Variants in GRM7 observed in about 807,000 individuals in gnomAD.
GRM7 encodes metabotropic glutamate receptor 7.
In GRM7, 35 loss-of-function variants were observed where a neutral mutation model predicts 84.5. The observed-to-expected ratio is 0.41, with a 90% CI of 0.32 to 0.55. GRM7 has a LOEUF of 0.55. GRM7 is among the 20% of genes least tolerant of loss of function. The pLI is 0.19. For synonymous variants in GRM7, 487 were observed against 455.1 expected, an observed-to-expected ratio of 1.07 and a Z score of -0.89; for missense variants, 1,003 against 1,194.6, an observed-to-expected ratio of 0.84 and a Z score of 2.36.
intron 1 of GRM7, among the ~76,000 whole-genome samples, chr3:7,031,811 C>T (rs1329068109): frequency 6.6e-6 from 1 of 151,954 alleles, no homozygotes; most frequent in Non-Finnish European, 1.5e-5. Flanking sequence ...TCACTTTTAT[C>T]CCCACTGTGT....
intron 1 of GRM7, among the ~76,000 whole-genome samples, chr3:6,951,022 T>C (rs1328280881): frequency 6.6e-6 from 1 of 152,162 alleles, no homozygotes; most frequent in Non-Finnish European, 1.5e-5. Context: ...GTGATGCCTC[T>C]CCCTGCTTCG....
chr3:7,551,495 C>T (rs528349432), intron 7 of GRM7, among the ~76,000 whole-genome samples: 36 of 152,260 alleles, frequency 2.4e-4, no homozygotes, highest in Admixed American at 2.3e-3. Flanking sequence ...ATTCATGAGA[C>T]TGTGCAAGCT....
chr3:7,695,415 C>A (rs968447915), intron 9 of GRM7, among the ~76,000 whole-genome samples: 6 of 152,138 alleles, frequency 3.9e-5, no homozygotes, highest in African/African-American at 1.4e-4. Context: ...AGGCACTCAG[C>A]CGAGGAAGTC....
chr3:7,181,794 G>C lies in GRM7; in HGVS notation c.736+35126G>C, dbSNP rs113431216. ...CAGTTATTTTTATTTTTTATTTTTT[G>C]TGGAGATGAGGTGACTATGTTGGCC... On this transcript the variant is annotated intron_variant, in intron 2 of 9. Transcript: ENST00000357716. 1.5e-3 allele frequency among the ~76,000 whole-genome samples: 233 copies of C among 151,660 alleles called. 1 individual carries two copies. The highest frequency in any genetic ancestry group is 2.8e-3 in the Non-Finnish European group (189 of 67,876).
intron 3 of GRM7, among the ~76,000 whole-genome samples, chr3:7,300,853 G>T (rs563401621): frequency 2.0e-5 from 3 of 152,152 alleles, no homozygotes; most frequent in African/African-American, 7.2e-5. Flanking sequence ...TCACTAGTTC[G>T]TAAAATTAGG....
At chr3:7,372,520 T>C (rs1403191876) in intron 4 of GRM7, among the ~76,000 whole-genome samples, 1 of 152,100 alleles carries the variant, frequency 6.6e-6, no homozygotes, top group Admixed American at 6.5e-5. Context: ...ACAGACAACT[T>C]TGTAGGCCTT....
chr3:7,259,465 G>T (rs190551797), intron 2 of GRM7, among the ~76,000 whole-genome samples: 2 of 152,172 alleles, frequency 1.3e-5, no homozygotes, highest in East Asian at 3.9e-4. Flanking sequence ...GTAGGTCCCA[G>T]TGTCTGTTGT....
chr3:7,303,711 C>T (rs1700088851), intron 3 of GRM7, among the ~76,000 whole-genome samples: 1 of 151,940 alleles, frequency 6.6e-6, no homozygotes, highest in South Asian at 2.1e-4. Flanking sequence ...TTTCACTTTT[C>T]TCCATATGTT....
intron 1 of GRM7, among the ~76,000 whole-genome samples, chr3:6,964,589 A>G (rs868845191): frequency 6.6e-6 from 1 of 152,148 alleles, no homozygotes; most frequent in Non-Finnish European, 1.5e-5. Context: ...TTCAGCCTTC[A>G]ATTCTTTACA....
chr3:7,516,258 A>T (rs909749813), intron 7 of GRM7, among the ~76,000 whole-genome samples: 1 of 151,188 alleles, frequency 6.6e-6, no homozygotes, highest in Non-Finnish European at 1.5e-5. Context: ...CGGGCAGATC[A>T]TAAGGTCAGT....
At chr3:7,089,008 A>G (rs1423903026) in intron 1 of GRM7, among the ~76,000 whole-genome samples, 1 of 152,134 alleles carries the variant, frequency 6.6e-6, no homozygotes, top group Non-Finnish European at 1.5e-5. Context: ...TCTTCCAACC[A>G]AAAGCAAATG....
chr3:7,556,808 T>A (rs1239342006), intron 7 of GRM7, among the ~76,000 whole-genome samples: 1 of 152,272 alleles, frequency 6.6e-6, no homozygotes, highest in Middle Eastern at 3.4e-3. Flanking sequence ...AAGAAGTGAC[T>A]GAGGCATTGA....
At chr3:7,298,866 AT>A in intron 3 of GRM7, 41 bp downstream of exon 3, 2 of 1,542,196 alleles carry the variant, frequency 1.3e-6, no homozygotes, top group Non-Finnish European at 1.8e-6. Context: ...GCATGTTGCA[AT>A]TTTAGGAGAG....
chr3:7,289,712 C>G (rs1162601281), intron 2 of GRM7, among the ~76,000 whole-genome samples: 1 of 152,062 alleles, frequency 6.6e-6, no homozygotes, highest in Non-Finnish European at 1.5e-5. Flanking sequence ...TTTGTAGGGA[C>G]ATGGATGAAA....
intron 7 of GRM7, among the ~76,000 whole-genome samples, chr3:7,477,180 A>G (rs1698956359): frequency 2.0e-5 from 3 of 152,306 alleles, no homozygotes; most frequent in Middle Eastern, 6.8e-3. Flanking sequence ...GAGAAGAGAC[A>G]TTATTAGAGA....
At chr3:6,944,686 C>T (rs1383368351) in intron 1 of GRM7, among the ~76,000 whole-genome samples, 1 of 152,154 alleles carries the variant, frequency 6.6e-6, no homozygotes, top group East Asian at 1.9e-4. Context: ...ATAAATTTAG[C>T]CATGTGGAAT....
intron 2 of GRM7, among the ~76,000 whole-genome samples, chr3:7,262,899 T>C (rs1299309787): frequency 6.6e-6 from 1 of 150,820 alleles, no homozygotes; most frequent in Non-Finnish European, 1.5e-5. Context: ...GATTTCACCA[T>C]GTTGGCCAGA....
chr3:6,970,696 G>A (rs1693716046), intron 1 of GRM7, among the ~76,000 whole-genome samples: 1 of 151,966 alleles, frequency 6.6e-6, no homozygotes, highest in Non-Finnish European at 1.5e-5. Context: ...AACCAAGAGA[G>A]AGGCCAGGCG....
At chr3:7,639,889 C>T (rs62235233) in intron 8 of GRM7, among the ~76,000 whole-genome samples, 23,813 of 151,944 alleles carry the variant, frequency 0.16, 2,009 homozygotes, top group Non-Finnish European at 0.18. Flanking sequence ...ACCATTATTC[C>T]GATTTGATCA....
Sources: allele counts gnomAD v4.1 joint callset (sites outside exome capture counted in the v4.1 genomes callset), GRCh38; gene constraint gnomAD v4.1.1; transcripts MANE v1.5; gene names NCBI Gene and HGNC (gene_info 2026-07-23, HGNC 2026-07-21).